SCLT1: variants seen among roughly 807,000 people sequenced by gnomAD.
SCLT1 encodes the protein sodium channel-associated protein 1.
SCLT1 carries 78 observed loss-of-function variants against 112.8 expected under a neutral mutation model. That is an observed-to-expected ratio of 0.69 (90% CI 0.58 to 0.83). The LOEUF is 0.83. Among genes scored for constraint, SCLT1 ranks in the 40% least tolerant of loss-of-function variants. SCLT1 has a pLI of 0.00. For synonymous variants in SCLT1, 257 were observed against 254.7 expected (o/e 1.01, Z -0.09); for missense variants, 747 against 770.4 (o/e 0.97, Z 0.36).
intron 2 of SCLT1, among the ~76,000 whole-genome samples, chr4:129,052,457 G>C (rs1327436468): frequency 1.3e-5 from 2 of 151,994 alleles, no homozygotes; most frequent in Non-Finnish European, 2.9e-5. Context: ...TCTTGGGAGG[G>C]TGTATGTGTT....
At position 129,005,865 on chromosome 4, in the gene SCLT1, A is replaced by C. The variant is rs552915085; in HGVS notation, c.291-1989T>G. Reference sequence around the variant, plus strand: ...AAAATGATGAGTTCATGTCCTTTGTAGGGACATGGATGAAATTGGAAATCA... The same window carrying C: ...AAAATGATGAGTTCATGTCCTTTGTCGGGACATGGATGAAATTGGAAATCA... On this transcript the variant is annotated intron_variant, in intron 5 of 20. Coordinates refer to ENST00000281142, the MANE Select transcript of SCLT1 (RefSeq NM_144643.4). 7.8e-3 allele frequency among the ~76,000 whole-genome samples: 1,185 copies of C among 151,518 alleles called. 26 individuals are homozygous for C. Among genetic ancestry groups the C allele is most frequent in the African/African-American group, 0.028 (1,137 of 41,252 alleles).
chr4:129,016,945 A>G (rs1401057574), intron 5 of SCLT1, among the ~76,000 whole-genome samples: 4 of 152,226 alleles, frequency 2.6e-5, no homozygotes, highest in Non-Finnish European at 5.9e-5. Flanking sequence ...TCATTAATGT[A>G]AACAATATTG....
chr4:128,924,772 G>A (rs4052), intron 18 of SCLT1, among the ~76,000 whole-genome samples: 64,265 of 151,900 alleles, frequency 0.42, 14,249 homozygotes, highest in African/African-American at 0.55. Context: ...GCTCTGAAAC[G>A]AACCTCAATG....
chr4:128,946,043 G>A lies in SCLT1; in HGVS notation c.1403C>T (p.Thr468Met), dbSNP rs762809545. ...TTGTTTTATTCTATTTTCTGCTCTCGTAAGTCTTAGCTGAAGATCATCTTT... is the reference window on the plus strand; with the variant it reads ...TTGTTTTATTCTATTTTCTGCTCTCATAAGTCTTAGCTGAAGATCATCTTT... ...RSKDDLQLRL[T>M]RAENRIKQLE... The change falls in exon 16 of 21, where the codon ACG becomes ATG. Residue 468 changes from threonine (T) to methionine (M), a missense_variant. Coordinates refer to ENST00000281142, the MANE Select transcript of SCLT1 (RefSeq NM_144643.4). 5.3e-5 allele frequency: 85 copies of A among 1,610,716 alleles called. No individual in the cohort carries two copies. The highest frequency in any genetic ancestry group is 6.5e-5 in the Non-Finnish European group (76 of 1,177,582).
At chr4:128,927,313 A>T (rs1482087149) in intron 18 of SCLT1, among the ~76,000 whole-genome samples, 1 of 152,074 alleles carries the variant, frequency 6.6e-6, no homozygotes, top group African/African-American at 2.4e-5. Context: ...AATTACTCCT[A>T]TAATCTCAGC....
At chr4:129,065,804 G>A (rs1750431521) in intron 2 of SCLT1, among the ~76,000 whole-genome samples, 1 of 152,082 alleles carries the variant, frequency 6.6e-6, no homozygotes, top group Admixed American at 6.6e-5. Context: ...TATTTCAAGT[G>A]TGAATTCTAA....
intron 18 of SCLT1, among the ~76,000 whole-genome samples, chr4:128,897,220 G>A (rs1733842537): frequency 6.6e-6 from 1 of 152,110 alleles, no homozygotes; most frequent in African/African-American, 2.4e-5. Context: ...ACACATAATT[G>A]TCAGATTCAC....
At chr4:128,998,237 A>T (rs527781218) in intron 7 of SCLT1, among the ~76,000 whole-genome samples, 1 of 151,962 alleles carries the variant, frequency 6.6e-6, no homozygotes, top group South Asian at 2.1e-4. Flanking sequence ...GATCATAAAA[A>T]ATTATAAGTG....
chr4:129,038,966 TC>T lies in SCLT1; in HGVS notation c.290+74del, dbSNP rs111917994. 4.5e-3 allele frequency: 4,023 copies of T among 903,916 alleles called. 72 individuals are homozygous for T. The African/African-American group carries it at 0.047, about 11-fold the overall frequency. The allele number at this position is 903,916 out of a possible 1,614,324, so 56.0% of individuals were successfully genotyped here. A position where few individuals can be genotyped will look rare whatever the true frequency, so the allele number is the denominator to read the frequency against. ...TTCTTAACTATTAATACTATAGCTATCAAATATCAAATAACAAAAATAAAAG... is the reference window on the plus strand; with the variant it reads ...TTCTTAACTATTAATACTATAGCTATAAATATCAAATAACAAAAATAAAAG... On this transcript the variant is annotated intron_variant, in intron 5 of 20. Coordinates refer to ENST00000281142, the MANE Select transcript of SCLT1 (RefSeq NM_144643.4).
intron 5 of SCLT1, among the ~76,000 whole-genome samples, chr4:129,006,287 C>A (rs1033526453): frequency 1.2e-4 from 18 of 152,036 alleles, no homozygotes; most frequent in African/African-American, 4.3e-4. Flanking sequence ...CACCTGTAAT[C>A]CCAGCATTTT....
intron 2 of SCLT1, among the ~76,000 whole-genome samples, chr4:129,050,326 T>C (rs1029509803): frequency 2.6e-5 from 4 of 152,188 alleles, no homozygotes; most frequent in Non-Finnish European, 4.4e-5. Flanking sequence ...TCTTCCACAA[T>C]GGTTGAACTA....
chr4:129,007,983 C>T (rs3113488), intron 5 of SCLT1, among the ~76,000 whole-genome samples: 81,423 of 151,948 alleles, frequency 0.54, 24,640 homozygotes, highest in South Asian at 0.68. Context: ...AATTAGTATC[C>T]TATTTCTAAT....
intron 5 of SCLT1, among the ~76,000 whole-genome samples, chr4:129,009,296 A>G (rs1053023768): frequency 7.9e-5 from 12 of 152,138 alleles, no homozygotes; most frequent in African/African-American, 2.9e-4. Context: ...CAGGCAGATC[A>G]TGAGGCAGAT....
At chr4:128,928,849 T>A (rs989282938) in intron 18 of SCLT1, among the ~76,000 whole-genome samples, 2 of 147,618 alleles carry the variant, frequency 1.4e-5, no homozygotes, top group Admixed American at 6.8e-5. Flanking sequence ...AAAAAAAAAA[T>A]TAATATTTGT....
chr4:129,009,367 AG>A (rs1347277572), intron 5 of SCLT1, among the ~76,000 whole-genome samples: 2 of 152,068 alleles, frequency 1.3e-5, no homozygotes, highest in Non-Finnish European at 2.9e-5. Context: ...AAAAAAAATT[AG>A]CCAGGCATGG....
At chr4:128,915,265 C>T (rs569553833) in intron 18 of SCLT1, among the ~76,000 whole-genome samples, 11 of 152,260 alleles carry the variant, frequency 7.2e-5, no homozygotes, top group African/African-American at 1.7e-4. Context: ...CTGTGTTATA[C>T]GGCCAACGTG....
chr4:128,952,302 T>C (rs1325081323), intron 14 of SCLT1: 1 of 455,968 alleles, frequency 2.2e-6, no homozygotes, highest in Admixed American at 2.4e-5. Context: ...TAAATTTCAT[T>C]ACATCAAATC....
intron 2 of SCLT1, among the ~76,000 whole-genome samples, chr4:129,070,101 A>G (rs1452361515): frequency 2.0e-5 from 3 of 152,144 alleles, no homozygotes; most frequent in Admixed American, 1.3e-4. Context: ...GCCCTGCTCT[A>G]AAACCCACTT....
intron 14 of SCLT1, among the ~76,000 whole-genome samples, chr4:128,951,561 T>A (rs1738739848): frequency 6.6e-6 from 1 of 152,146 alleles, no homozygotes; most frequent in South Asian, 2.1e-4. Context: ...AAAGAATGAA[T>A]ATTCATGCCC....
Sources: allele counts gnomAD v4.1 joint callset (sites outside exome capture counted in the v4.1 genomes callset), GRCh38; gene constraint gnomAD v4.1.1; transcripts MANE v1.5; gene names NCBI Gene and HGNC (gene_info 2026-07-23, HGNC 2026-07-21).